The following CACNG2 variants were observed in gnomAD, a reference collection of about 807,000 sequenced individuals.
CACNG2 encodes voltage-dependent calcium channel gamma-2 subunit.
In CACNG2, 3 loss-of-function variants were observed where a neutral mutation model predicts 25.9. The observed-to-expected ratio is 0.12, with a 90% CI of 0.05 to 0.30. The LOEUF (loss-of-function observed/expected upper bound fraction) is 0.30, where lower values mean the gene tolerates loss of function less well. Ranked by LOEUF, CACNG2 falls within the 10% of genes least tolerant of loss-of-function variation. CACNG2 has a pLI of 1.00. For missense variants in CACNG2, 341 were observed against 432.5 expected (o/e 0.79, Z 1.88); for synonymous variants, 167 against 173.3 (o/e 0.96, Z 0.29).
At chr22:36,685,621 C>T (rs1937185675) in intron 1 of CACNG2, among the ~76,000 whole-genome samples, 1 of 152,166 alleles carries the variant, frequency 6.6e-6, no homozygotes, top group Non-Finnish European at 1.5e-5. Context: ...ACAGTGTTCT[C>T]AAGCCGAGGA....
At chr22:36,588,736 T>C (rs533776507) in intron 1 of CACNG2, among the ~76,000 whole-genome samples, 1 of 152,272 alleles carries the variant, frequency 6.6e-6, no homozygotes, top group African/African-American at 2.4e-5. Context: ...AGCTGATGCA[T>C]GTTGAGTAGT....
chr22:36,642,180 A>C (rs554065481), intron 1 of CACNG2, among the ~76,000 whole-genome samples: 65 of 152,326 alleles, frequency 4.3e-4, no homozygotes, highest in African/African-American at 1.5e-3. Context: ...AGAGAGGGGC[A>C]TGTATAAGCA....
chr22:36,651,046 T>C (rs532764976), intron 1 of CACNG2, among the ~76,000 whole-genome samples: 3 of 152,334 alleles, frequency 2.0e-5, no homozygotes, highest in Admixed American at 6.5e-5. Context: ...AGAAACATTC[T>C]AGTCCACTTT....
At chr22:36,586,581 A>G (rs1935505624) in intron 2 of CACNG2, among the ~76,000 whole-genome samples, 1 of 152,224 alleles carries the variant, frequency 6.6e-6, no homozygotes, top group African/African-American at 2.4e-5. Flanking sequence ...TCTATATAAT[A>G]AAATGCCTCC....
At chr22:36,585,448 A>G (rs1206316034) in intron 2 of CACNG2, 2 of 152,220 alleles carry the variant, frequency 1.3e-5, no homozygotes, top group Non-Finnish European at 2.9e-5. Flanking sequence ...AGCTTTAAAG[A>G]ATTATTTTTG....
At chr22:36,608,112 G>T (rs1417944812) in intron 1 of CACNG2, among the ~76,000 whole-genome samples, 2 of 152,164 alleles carry the variant, frequency 1.3e-5, no homozygotes, top group African/African-American at 4.8e-5. Context: ...TGCCTCCCAA[G>T]GTAGTGAGCT....
rs1205560699 is a variant in CACNG2, at chr22:36,563,191, G to C, written c.*1160C>G. On this transcript the variant is annotated 3_prime_UTR_variant, in exon 4 of 4. Transcript: ENST00000300105. ...AAAGAAGCCTTTTTGCAGTGTCATT[G>C]TTGAACCCGCTGGGCCCCAAGGGGG... Among the ~76,000 whole-genome samples, 1 of 151,782 alleles carries C rather than the reference G, an allele frequency of 6.6e-6. No individual in the cohort carries two copies. Among genetic ancestry groups the C allele is most frequent in the African/African-American group, 2.4e-5 (1 of 41,280 alleles).
chr22:36,693,219 T>C (rs952507711), intron 1 of CACNG2, among the ~76,000 whole-genome samples: 3 of 151,904 alleles, frequency 2.0e-5, no homozygotes, highest in African/African-American at 7.3e-5. Flanking sequence ...CTTGAGAAGG[T>C]GATATTTGAA....
intron 2 of CACNG2, among the ~76,000 whole-genome samples, chr22:36,576,283 A>G: frequency 6.6e-6 from 1 of 152,188 alleles, no homozygotes; most frequent in African/African-American, 2.4e-5. Context: ...GGAATGGAAA[A>G]CCAAACATTA....
At chr22:36,659,858 C>T (rs1185538167) in intron 1 of CACNG2, among the ~76,000 whole-genome samples, 1 of 152,070 alleles carries the variant, frequency 6.6e-6, no homozygotes, top group African/African-American at 2.4e-5. Flanking sequence ...AGGAGGCCCT[C>T]ACAGCTCCTC....
intron 2 of CACNG2, among the ~76,000 whole-genome samples, chr22:36,569,874 G>A (rs1935195359): frequency 1.3e-5 from 2 of 152,150 alleles, no homozygotes; most frequent in African/African-American, 4.8e-5. Context: ...CCCTTTCCAT[G>A]TGGACATGGT....
intron 1 of CACNG2, among the ~76,000 whole-genome samples, chr22:36,632,789 T>A (rs1936295843): frequency 6.6e-6 from 1 of 152,096 alleles, no homozygotes; most frequent in South Asian, 2.1e-4. Flanking sequence ...GACCCCTAAC[T>A]GGTGGAGTGC....
At chr22:36,680,324 T>TTACCACCACCATCACCACCATCAC (rs1937089637) in intron 1 of CACNG2, among the ~76,000 whole-genome samples, 2 of 149,310 alleles carry the variant, frequency 1.3e-5, no homozygotes, top group South Asian at 2.1e-4. Flanking sequence ...ATGGCTATAA[T>TTACCACCACCATCACCACCATCAC]TACCACCGCC....
At chr22:36,600,837 G>T (rs1175473905) in intron 1 of CACNG2, among the ~76,000 whole-genome samples, 1 of 152,010 alleles carries the variant, frequency 6.6e-6, no homozygotes, top group African/African-American at 2.4e-5. Context: ...ATGAACCACC[G>T]CTCCCGGCCT....
chr22:36,646,254 CCT>C (rs1221862440), intron 1 of CACNG2, among the ~76,000 whole-genome samples: 1 of 152,078 alleles, frequency 6.6e-6, no homozygotes, highest in Non-Finnish European at 1.5e-5. Flanking sequence ...AAACTTACCC[CCT>C]GTCCTTTAAT....
chr22:36,631,582 T>C (rs1347937140), intron 1 of CACNG2, among the ~76,000 whole-genome samples: 1 of 152,122 alleles, frequency 6.6e-6, no homozygotes, highest in African/African-American at 2.4e-5. Context: ...TCTGAGAAAG[T>C]ATCTTCCTTG....
At chr22:36,667,629 G>A (rs927522658) in intron 1 of CACNG2, among the ~76,000 whole-genome samples, 49 of 152,298 alleles carry the variant, frequency 3.2e-4, no homozygotes, top group Admixed American at 1.7e-3. Flanking sequence ...AACCCACGGG[G>A]AACTTTGAAA....
chr22:36,597,486 G>A (rs1935694260), intron 1 of CACNG2, among the ~76,000 whole-genome samples: 2 of 152,194 alleles, frequency 1.3e-5, no homozygotes, highest in South Asian at 4.1e-4. Flanking sequence ...GGCAATATCA[G>A]TCCTCACCGA....
At chr22:36,638,199 T>C (rs755885627) in intron 1 of CACNG2, among the ~76,000 whole-genome samples, 1 of 152,134 alleles carries the variant, frequency 6.6e-6, no homozygotes, top group African/African-American at 2.4e-5. Context: ...GCGACTCCCA[T>C]TGGGATGATT....
Sources: allele counts gnomAD v4.1 joint callset (sites outside exome capture counted in the v4.1 genomes callset), GRCh38; gene constraint gnomAD v4.1.1; transcripts MANE v1.5; gene names NCBI Gene and HGNC (gene_info 2026-07-23, HGNC 2026-07-21).